TRIM56: variants seen among roughly 807,000 people sequenced by gnomAD.
The protein encoded by TRIM56 is E3 ubiquitin-protein ligase TRIM56.
TRIM56 carries 10 observed loss-of-function variants against 17.1 expected under a neutral mutation model. The ratio of observed to expected loss-of-function variants is 0.58; its 90% CI spans 0.36 to 0.99. The LOEUF (loss-of-function observed/expected upper bound fraction) is 0.99. Among genes scored for constraint, TRIM56 ranks in the 50% least tolerant of loss-of-function variants. The pLI is 0.01. For missense variants in TRIM56, 923 were observed against 1,052.3 expected (o/e 0.88, Z 1.70); for synonymous variants, 503 against 473.5 (o/e 1.06, Z -0.81).
Position 101,090,967 on chromosome 7 carries a change from T to G in TRIM56, c.*1387T>G, listed in dbSNP as rs1319432930. ...GAAGGTTGTCCTCTGTGGGCCACTATTGCTGGGGAAACAGCTAAACCCTGC... is the reference window on the plus strand; with the variant it reads ...GAAGGTTGTCCTCTGTGGGCCACTAGTGCTGGGGAAACAGCTAAACCCTGC... On this transcript the variant is annotated 3_prime_UTR_variant, in exon 3 of 3. Coordinates refer to ENST00000306085, the MANE Select transcript of TRIM56 (RefSeq NM_030961.3). The G allele has an allele frequency of 6.6e-6, 1 of 152,218 alleles. No individual in the cohort carries two copies. The highest frequency in any genetic ancestry group is 2.1e-4 in the South Asian group (1 of 4,830). 9.4% of individuals were successfully genotyped at this position (152,218 alleles called of 1,614,324 possible).
Position 101,096,540 on chromosome 7 carries a change from T to A in TRIM56, c.*6960T>A, listed in dbSNP as rs907876084. 1.3e-5 allele frequency: 2 copies of A among 152,192 alleles called. No homozygotes were observed. The highest frequency in any genetic ancestry group is 4.8e-5 in the African/African-American group (2 of 41,420). 9.4% of individuals were successfully genotyped at this position (152,192 alleles called of 1,614,324 possible). A position where few individuals can be genotyped will look rare whatever the true frequency, so the allele number is the denominator to read the frequency against. ...GCCTCAGTTTGTACATCAGTAACAT[T>A]GGGATAATGACATCCACATGCCCAC... On this transcript the variant is annotated 3_prime_UTR_variant, in exon 3 of 3. Transcript: ENST00000306085.
rs1479448286 is a variant in TRIM56 at position 101,096,964 on chromosome 7, T to G, written c.*7384T>G. ...AGTTAAGGACCCATAAGAGTAGACA[T>G]TTAGAAAAAGTGAAAAATGGCAAGA... On this transcript the variant is annotated 3_prime_UTR_variant, in exon 3 of 3. Coordinates refer to ENST00000306085, the MANE Select transcript of TRIM56 (RefSeq NM_030961.3). The G allele has an allele frequency of 6.6e-6, 1 of 152,168 alleles. No homozygotes were observed. The highest frequency in any genetic ancestry group is 2.4e-5 in the African/African-American group (1 of 41,424). 9.4% of individuals were successfully genotyped at this position (152,168 alleles called of 1,614,324 possible).
Position 101,089,301 on chromosome 7 carries a change from G to C in TRIM56, c.1989G>C (p.Gly663=). 1 of 1,604,494 alleles carries C rather than the reference G, an allele frequency of 6.2e-7. No homozygotes were observed. The highest frequency in any genetic ancestry group is 1.7e-4 in the Middle Eastern group (1 of 6,030). ...WQQNSVVICD[G]LGQVVGEYKG... ...AGAATAGTGTGGTAATCTGTGATGG[G>C]CTGGGCCAGGTGGTTGGGGAGTACA... Residue 663 remains glycine (G), a synonymous_variant, in exon 3 of 3, where the codon GGG becomes GGC. Coordinates refer to ENST00000306085, the MANE Select transcript of TRIM56 (RefSeq NM_030961.3).
In TRIM56 at chr7:101,087,476, G is replaced by T; in HGVS notation, c.164G>T (p.Arg55Leu). The T allele has an allele frequency of 2.5e-6, 4 of 1,613,368 alleles. No homozygotes were observed. The highest frequency in any genetic ancestry group is 3.4e-6 in the Non-Finnish European group (4 of 1,179,906). ...CAGCTGGCGGATGGCGGCCGCGTCC[G>T]CTGCCCCGAGTGCCGCGAGACAGTG... is the stretch of plus-strand genomic sequence containing the variant. ...LAQLADGGRV[R>L]CPECRETVPV... The change falls in exon 3 of 3, where the codon CGC becomes CTC. Residue 55 changes from arginine (R) to leucine (L), a missense_variant. Arg to Leu is a moderately radical substitution (Grantham distance 102). Transcript: ENST00000306085.
Position 101,088,974 on chromosome 7 carries a change from C to A in TRIM56, c.1662C>A (p.Ser554Arg). The A allele has an allele frequency of 3.1e-6, 5 of 1,611,992 alleles. No individual in the cohort carries two copies. Among genetic ancestry groups the A allele is most frequent in the Non-Finnish European group, 4.2e-6 (5 of 1,179,990 alleles). The change falls in exon 3 of 3, where the codon AGC becomes AGA. Residue 554 changes from serine (S) to arginine (R), a missense_variant. Ser to Arg is a moderately radical substitution (Grantham distance 110). Transcript: ENST00000306085. ...TCCCTGAGGGCTGCTCCCCTTGCAG[C>A]GTGGCCGCCCTGCAGAGCGCGGTGG... ...VPVPEGCSPC[S>R]VAALQSAVAF...
Position 101,089,402 on chromosome 7 carries a change from G to A in TRIM56, c.2090G>A (p.Arg697Gln), listed in dbSNP as rs775590575. ...AAGGGCTACATCTTTCTGACCCTTC[G>A]AGAAGTCAACAAGGTGGTGATCCTG... is the stretch of plus-strand genomic sequence containing the variant. ...DKKGYIFLTL[R>Q]EVNKVVILDP... Residue 697 changes from arginine (R) to glutamine (Q), a missense_variant, in exon 3 of 3, where the codon CGA becomes CAA. Physicochemically the swap from Arg to Gln is conservative, Grantham distance 43. Transcript: ENST00000306085. 8.7e-6 allele frequency: 14 copies of A among 1,614,094 alleles called. No homozygotes were observed. The highest frequency in any genetic ancestry group is 1.2e-5 in the Non-Finnish European group (14 of 1,179,952).
Position 101,089,245 on chromosome 7 carries a change from C to T in TRIM56, c.1933C>T (p.Gln645Ter). ...GCTGGTGTTTCTGACCACCAGCCCC[C>T]AGGGGCATTTCGTGGGGTCGGACTG... ...RALVFLTTSP[Q>*]GHFVGSDWQQ... is the part of the protein sequence containing the mutation. The change falls in exon 3 of 3, where the codon CAG becomes TAG. Residue 645 changes from glutamine (Q) to a stop codon, truncating the protein, a stop_gained. Transcript: ENST00000306085. LOFTEE classifies it high-confidence loss of function. 1 of 1,612,822 alleles carries T rather than the reference C, an allele frequency of 6.2e-7. No individual in the cohort carries two copies. Among genetic ancestry groups the T allele is most frequent in the African/African-American group, 1.3e-5 (1 of 75,054 alleles).
In TRIM56 at chr7:101,088,071, T is replaced by C. The variant is rs764840826; in HGVS notation, c.759T>C (p.Thr253=). 1 of 1,525,386 alleles carries C rather than the reference T, an allele frequency of 6.6e-7. No homozygotes were observed. The highest frequency in any genetic ancestry group is 1.2e-5 in the South Asian group (1 of 83,334). 94.5% of individuals were successfully genotyped at this position (1,525,386 alleles called of 1,614,324 possible). The change falls in exon 3 of 3, where the codon ACT becomes ACC. Residue 253 remains threonine, a synonymous_variant. Transcript: ENST00000306085. ...GGGAGCAGGCGGCCCGGGTGGGGACTCAGGTGGAGGAGGCGGCTGAGGGCG... is the reference window on the plus strand; with the variant it reads ...GGGAGCAGGCGGCCCGGGTGGGGACCCAGGTGGAGGAGGCGGCTGAGGGCG... ...RLREQAARVG[T]QVEEAAEGVL... is the part of the protein sequence containing the mutation.
Position 101,091,733 on chromosome 7 carries a change from A to T in TRIM56, c.*2153A>T, listed in dbSNP as rs1261654286. On this transcript the variant is annotated 3_prime_UTR_variant, in exon 3 of 3. Transcript: ENST00000306085. The stretch of plus-strand genomic sequence containing the variant: ...CAAGAATGAAACTCCATCTCAAAAA[A>T]AAAGAAAAAGAAAAGAAAGAAAACC... 1 of 444,208 alleles carries T rather than the reference A, an allele frequency of 2.3e-6. No individual in the cohort carries two copies. Among genetic ancestry groups the T allele is most frequent in the Non-Finnish European group, 4.4e-6 (1 of 224,850 alleles). 27.5% of individuals were successfully genotyped at this position (444,208 alleles called of 1,614,324 possible).
chr7:101,091,818 C>T lies in TRIM56; in HGVS notation c.*2238C>T, dbSNP rs1216545734. ...CCCTCTGCCTCTCTTTCCATGGTCA[C>T]GGTCTCCCTCTGATGCCGAGCCGAA... On this transcript the variant is annotated 3_prime_UTR_variant, in exon 3 of 3. Transcript: ENST00000306085. 3.1e-5 allele frequency: 13 copies of T among 416,386 alleles called. No individual in the cohort carries two copies. The highest frequency in any genetic ancestry group is 2.0e-4 in the Admixed American group (7 of 34,730). 25.8% of individuals were successfully genotyped at this position (416,386 alleles called of 1,614,324 possible). A position where few individuals can be genotyped will look rare whatever the true frequency, so the allele number is the denominator to read the frequency against.
rs1795589965 is a variant in TRIM56 at position 101,092,601 on chromosome 7, G to C, written c.*3021G>C. ...TGGGGGGTCAGCCCCCTCCCGGCCA[G>C]CCGCGCCGTCCGGGAGGGAGGTGGG... On this transcript the variant is annotated 3_prime_UTR_variant, in exon 3 of 3. Transcript: ENST00000306085. 1 of 116,402 alleles carries C rather than the reference G, an allele frequency of 8.6e-6. No homozygotes were observed. Among genetic ancestry groups the C allele is most frequent in the South Asian group, 2.2e-4 (1 of 4,588 alleles). 7.2% of individuals were successfully genotyped at this position (116,402 alleles called of 1,614,324 possible).
Position 101,089,094 on chromosome 7 carries a change from G to A in TRIM56, c.1782G>A (p.Val594=), listed in dbSNP as rs777737174. The change falls in exon 3 of 3, where the codon GTG becomes GTA. Residue 594 remains valine (V), a synonymous_variant. Coordinates refer to ENST00000306085, the MANE Select transcript of TRIM56 (RefSeq NM_030961.3). Reference sequence around the variant, plus strand: ...GCCTCTCCCAGGCCAGCCACGCGGTGGCGGCACTGCCTAGCGGGGACCGCG... The same window carrying A: ...GCCTCTCCCAGGCCAGCCACGCGGTAGCGGCACTGCCTAGCGGGGACCGCG... ...ALSLSQASHA[V]AALPSGDRVA... 1.9e-5 allele frequency: 30 copies of A among 1,599,352 alleles called. No individual in the cohort carries two copies. Among genetic ancestry groups the A allele is most frequent in the Middle Eastern group, 3.3e-4 (2 of 6,070 alleles).
Position 101,094,353 on chromosome 7 carries a change from T to A in TRIM56, c.*4773T>A, listed in dbSNP as rs79903502. 9.2e-4 allele frequency: 1 copy of A among 1,086 alleles called. No individual in the cohort carries two copies. The highest frequency in any genetic ancestry group is 0.036 in the Admixed American group (1 of 28). The allele number at this position is 1,086 out of a possible 1,614,324, so 0.1% of individuals were successfully genotyped here. ...TAGTCATTAATTTGGGAGATTGGGG[T>A]TTTTTTTGTTTTGTTTTTTGTTTGT... On this transcript the variant is annotated 3_prime_UTR_variant, in exon 3 of 3. Coordinates refer to ENST00000306085, the MANE Select transcript of TRIM56 (RefSeq NM_030961.3).
Position 101,088,924 on chromosome 7 carries a change from G to A in TRIM56, c.1612G>A (p.Gly538Ser), listed in dbSNP as rs1218625326. 1.2e-6 allele frequency: 2 copies of A among 1,613,736 alleles called. No homozygotes were observed. Among genetic ancestry groups the A allele is most frequent in the South Asian group, 1.1e-5 (1 of 91,088 alleles). ...NRALKRFSLN[G>S]DYKGTVPVPE... ...GGCACTGAAACGCTTCTCCCTCAACGGCGACTACAAGGGCACCGTGCCGGT... is the reference window on the plus strand; with the variant it reads ...GGCACTGAAACGCTTCTCCCTCAACAGCGACTACAAGGGCACCGTGCCGGT... The change falls in exon 3 of 3, where the codon GGC (glycine) becomes AGC (serine). Residue 538 changes from glycine (G) to serine (S), a missense_variant. By Grantham distance (56) the Gly-to-Ser change is moderately conservative. This residue lies in a region of TRIM56 where 643 missense variants were observed against 665.6 expected (regional missense o/e 0.97). Transcript: ENST00000306085.
Position 101,092,932 on chromosome 7 carries a change from T to C in TRIM56, c.*3352T>C, listed in dbSNP as rs1010029761. The C allele has an allele frequency of 4.9e-5, 9 of 183,556 alleles. No individual in the cohort carries two copies. Among genetic ancestry groups the C allele is most frequent in the Non-Finnish European group, 6.6e-5 (6 of 91,366 alleles). The allele number at this position is 183,556 out of a possible 1,614,324, so 11.4% of individuals were successfully genotyped here. ...TGGGGAAAAGATAGAGAAATCAGAT[T>C]GTTGCCGTGTCTGTGTAGAAAGAAG... On this transcript the variant is annotated 3_prime_UTR_variant, in exon 3 of 3. Transcript: ENST00000306085.
Position 101,089,039 on chromosome 7 carries a change from A to G in TRIM56, c.1727A>G (p.Asn576Ser). Reference protein sequence around the residue: ...ASARLYLINPNGEVQWRRALS... With the variant: ...ASARLYLINPSGEVQWRRALS... ...GCACGGCTCTATCTCATCAACCCCA[A>G]CGGCGAAGTGCAGTGGCGCAGGGCC... Residue 576 changes from asparagine (N) to serine (S), a missense_variant, in exon 3 of 3, where the codon AAC (asparagine) becomes AGC (serine). By Grantham distance (46) the Asn-to-Ser change is conservative. This residue lies in a region of TRIM56 where 643 missense variants were observed against 665.6 expected (regional missense o/e 0.97). Transcript: ENST00000306085. The G allele has an allele frequency of 6.2e-7, 1 of 1,603,146 alleles. No homozygotes were observed. The highest frequency in any genetic ancestry group is 8.5e-7 in the Non-Finnish European group (1 of 1,178,598).
chr7:101,087,888 C>T lies in TRIM56; in HGVS notation c.576C>T (p.Cys192=). Residue 192 remains cysteine (C), a synonymous_variant, in exon 3 of 3, where the codon TGC becomes TGT. Transcript: ENST00000306085. ...QPCSQLLCRE[C]RLDPHLDHPC... is the part of the protein sequence containing the mutation. The stretch of plus-strand genomic sequence containing the variant: ...GCTCACAGTTGCTGTGCAGAGAGTG[C>T]CGCCTAGACCCCCACCTGGACCACC... The T allele has an allele frequency of 6.2e-7, 1 of 1,604,588 alleles. No homozygotes were observed. The highest frequency in any genetic ancestry group is 8.5e-7 in the Non-Finnish European group (1 of 1,178,210).
rs989395087 is a variant in TRIM56 at position 101,096,897 on chromosome 7, G to A, written c.*7317G>A. 6.6e-6 allele frequency: 1 copy of A among 152,126 alleles called. No homozygotes were observed. The highest frequency in any genetic ancestry group is 2.4e-5 in the African/African-American group (1 of 41,362). The allele number at this position is 152,126 out of a possible 1,614,324, so 9.4% of individuals were successfully genotyped here. On this transcript the variant is annotated 3_prime_UTR_variant, in exon 3 of 3. Transcript: ENST00000306085. ...GGACCAATGGCCAGCTTGCTGAAAT[G>A]TAATGCCATTCTTAAAAGCCAGCTA...
Position 101,092,197 on chromosome 7 carries a change from GC to G in TRIM56, c.*2620del, listed in dbSNP as rs1795577681. 4.7e-6 allele frequency: 1 copy of G among 211,498 alleles called. No individual in the cohort carries two copies. The highest frequency in any genetic ancestry group is 2.4e-5 in the African/African-American group (1 of 41,904). 13.1% of individuals were successfully genotyped at this position (211,498 alleles called of 1,614,324 possible). A position where few individuals can be genotyped will look rare whatever the true frequency, so the allele number is the denominator to read the frequency against. On this transcript the variant is annotated 3_prime_UTR_variant, in exon 3 of 3. Coordinates refer to ENST00000306085, the MANE Select transcript of TRIM56 (RefSeq NM_030961.3). ...CCAAAGTGCCGAGATTACAGCCTCT[GC>G]CCGGCCGCCACCCCCTCTGGGAAGT... is the stretch of plus-strand genomic sequence containing the variant.
Sources: gnomAD v4.1 joint callset for allele counts on GRCh38, gnomAD v4.1.1 for gene constraint, gnomAD v4.1.1 regional missense constraint, MANE v1.5 for transcripts, NCBI Gene and HGNC (gene_info 2026-07-23, HGNC 2026-07-21) for gene names.